Variants in ZNF227 observed in about 807,000 individuals in gnomAD.
The protein encoded by ZNF227 is zinc finger protein 227.
ZNF227 carries 12 observed loss-of-function variants against 13.2 expected under a neutral mutation model. The ratio of observed to expected loss-of-function variants is 0.91; its 90% confidence interval spans 0.58 to 1.47. The LOEUF (loss-of-function observed/expected upper bound fraction) is 1.47. Among genes scored for constraint, ZNF227 ranks in the 40% most tolerant of loss-of-function variants. The probability of loss-of-function intolerance (pLI) is 0.00; values close to 1 mark genes in which losing one functional copy is unlikely to be tolerated. For missense variants in ZNF227, 885 were observed against 967.5 expected, an observed-to-expected ratio of 0.91 and a Z score of 1.13; for synonymous variants, 338 against 326.0, an observed-to-expected ratio of 1.04 and a Z score of -0.40.
At position 44,235,818 on chromosome 19, in the gene ZNF227, C is replaced by T. The variant is rs143271498; in HGVS notation, c.1388C>T (p.Pro463Leu). The T allele has an allele frequency of 1.6e-5, 26 of 1,613,844 alleles. No homozygotes were observed. Among genetic ancestry groups the T allele is most frequent in the Non-Finnish European group, 2.1e-5 (25 of 1,180,000 alleles). ...CGGAGAGTCCACACAGGAGAGAAGC[C>T]ATACAAGTGTGAGGCGTGTGGGAAA... is the stretch of plus-strand genomic sequence containing the variant. ...CHRRVHTGEK[P>L]YKCEACGKGF... Residue 463 changes from proline (P) to leucine (L), a missense_variant, in exon 6 of 6, where the codon CCA (proline) becomes CTA (leucine). Pro to Leu is a moderately conservative substitution (Grantham distance 98). Coordinates refer to ENST00000313040, the MANE Select transcript of ZNF227 (RefSeq NM_182490.3).
rs367645929 is a variant in ZNF227, at chr19:44,236,781, G to A, written c.2351G>A (p.Arg784His). Residue 784 changes from arginine (R) to histidine (H), a missense_variant, in exon 6 of 6, where the codon CGT (arginine) becomes CAT (histidine). Arg to His is a conservative substitution (Grantham distance 29). Transcript: ENST00000313040. ...CDICDKDFRH[R>H]SRLTYHQKVH... ...ATATGTGATAAGGACTTCCGTCACCGTTCACGTCTTACATATCATCAGAAA... is the reference window on the plus strand; with the variant it reads ...ATATGTGATAAGGACTTCCGTCACCATTCACGTCTTACATATCATCAGAAA... The A allele has an allele frequency of 4.2e-5, 68 of 1,606,732 alleles. No individual in the cohort carries two copies. The highest frequency in any genetic ancestry group is 8.9e-5 in the East Asian group (4 of 44,808).
chr19:44,223,176 T>C (rs937058740), intron 3 of ZNF227, among the ~76,000 whole-genome samples: 1 of 152,242 alleles, frequency 6.6e-6, no homozygotes, highest in Non-Finnish European at 1.5e-5. Context: ...CAGTATTTTA[T>C]TGAGGATTTT....
chr19:44,235,554 C>G lies in ZNF227; in HGVS notation c.1124C>G (p.Thr375Ser), dbSNP rs769574008. The change falls in exon 6 of 6, where the codon ACT (threonine) becomes AGT (serine). Residue 375 changes from threonine (T) to serine (S), a missense_variant. Transcript: ENST00000313040. ...SNFQCHQRVH[T>S]EEKPYKCEEC... Reference sequence around the variant, plus strand: ...TTTCAGTGCCATCAGAGAGTCCACACTGAAGAAAAACCATACAAATGCGAA... The same window carrying G: ...TTTCAGTGCCATCAGAGAGTCCACAGTGAAGAAAAACCATACAAATGCGAA... 6.2e-7 allele frequency: 1 copy of G among 1,614,182 alleles called. No homozygotes were observed. Among genetic ancestry groups the G allele is most frequent in the Non-Finnish European group, 8.5e-7 (1 of 1,180,048 alleles).
intron 3 of ZNF227, 105 bp from the exon 4 acceptor site, chr19:44,228,341 G>T: frequency 1.5e-6 from 2 of 1,340,208 alleles, no homozygotes; most frequent in Non-Finnish European, 2.0e-6. Flanking sequence ...AGATCTCTTG[G>T]AATCTATAAC....
Position 44,236,463 on chromosome 19 carries a change from A to G in ZNF227, c.2033A>G (p.His678Arg). The change falls in exon 6 of 6, where the codon CAT becomes CGT. Residue 678 changes from histidine to arginine, a missense_variant. His to Arg is a conservative substitution (Grantham distance 29, BLOSUM62 0). Coordinates refer to ENST00000313040, the MANE Select transcript of ZNF227 (RefSeq NM_182490.3). ...AGATACAGTTCGCAGTTTATATACC[A>G]TCAGAGAGGCCACACTGGAGAAAAA... is the stretch of plus-strand genomic sequence containing the variant. ...GFRYSSQFIY[H>R]QRGHTGEKPY... The G allele has an allele frequency of 6.2e-7, 1 of 1,613,984 alleles. No homozygotes were observed. Among genetic ancestry groups the G allele is most frequent in the South Asian group, 1.1e-5 (1 of 91,080 alleles).
Position 44,235,651 on chromosome 19 carries a change from C to T in ZNF227, c.1221C>T (p.Pro407=). The T allele has an allele frequency of 1.2e-6, 2 of 1,613,624 alleles. No homozygotes were observed. The highest frequency in any genetic ancestry group is 1.3e-5 in the African/African-American group (1 of 74,836). The change falls in exon 6 of 6, where the codon CCC becomes CCT. Residue 407 remains proline, a synonymous_variant. Coordinates refer to ENST00000313040, the MANE Select transcript of ZNF227 (RefSeq NM_182490.3). ...AGAGGGTCCACAGGGGTGAGAAGCC[C>T]TATAAATGTGAGGAATGTGGTAAGG... ...VHQRVHRGEK[P]YKCEECGKGF... is the part of the protein sequence containing the mutation.
upstream of ZNF227, chr19:44,207,902 TTCTC>T (rs1285817726): frequency 2.0e-5 from 3 of 152,226 alleles, no homozygotes; most frequent in Admixed American, 6.5e-5. Flanking sequence ...ATCTTAATCT[TTCTC>T]TATCCCATTC....
At chr19:44,208,331 CTT>C (rs1021225537), upstream of ZNF227, among the ~76,000 whole-genome samples, 6 of 152,194 alleles carry the variant, frequency 3.9e-5, no homozygotes, top group Non-Finnish European at 7.3e-5. Context: ...AGTTAACTAA[CTT>C]TATCGAAAGT....
chr19:44,236,882 T>C lies in ZNF227; in HGVS notation c.*52T>C, dbSNP rs779207390. ...GTCTGAATGCACATCTTCAAGTTTT[T>C]GGCTAGTCCATGCTGGTGGTAAACC... On this transcript the variant is annotated 3_prime_UTR_variant, in exon 6 of 6. Transcript: ENST00000313040. The C allele has an allele frequency of 2.1e-5, 31 of 1,472,746 alleles. No individual in the cohort carries two copies. The South Asian group carries it at 3.9e-4, about 19-fold the overall frequency. 91.2% of individuals were successfully genotyped at this position (1,472,746 alleles called of 1,614,324 possible).
intron 3 of ZNF227, among the ~76,000 whole-genome samples, chr19:44,221,255 AT>A (rs1193169589): frequency 1.3e-5 from 2 of 152,150 alleles, no homozygotes; most frequent in African/African-American, 4.8e-5. Context: ...AGCATGATTT[AT>A]AGTCCTTTGG....
At position 44,229,817 on chromosome 19, in the gene ZNF227, G is replaced by A; in HGVS notation, c.271+1G>A. ...ATGATGGAAACAGAAACCCAAAGAAGTAGGTATTCTGGTGAGAACCCTGTG... is the reference window on the plus strand; with the variant it reads ...ATGATGGAAACAGAAACCCAAAGAAATAGGTATTCTGGTGAGAACCCTGTG... On this transcript the variant is annotated splice_donor_variant, in intron 5 of 5. Transcript: ENST00000313040. LOFTEE classifies it high-confidence loss of function. 6.4e-7 allele frequency: 1 copy of A among 1,560,778 alleles called. No individual in the cohort carries two copies. The highest frequency in any genetic ancestry group is 8.7e-7 in the Non-Finnish European group (1 of 1,145,898).
intron 3 of ZNF227, among the ~76,000 whole-genome samples, chr19:44,226,187 C>T (rs1973127173): frequency 1.3e-5 from 2 of 152,140 alleles, no homozygotes; most frequent in Non-Finnish European, 2.9e-5. Flanking sequence ...GTCAGTCTGC[C>T]CCTACTGGGG....
At chr19:44,208,487 C>T (rs1355697464), upstream of ZNF227, among the ~76,000 whole-genome samples, 3 of 152,176 alleles carry the variant, frequency 2.0e-5, no homozygotes, top group Admixed American at 6.5e-5. Context: ...AGAACTTTCA[C>T]AAATACTTCT....
At chr19:44,209,585 A>T (rs1476162852), upstream of ZNF227, among the ~76,000 whole-genome samples, 2 of 151,246 alleles carry the variant, frequency 1.3e-5, no homozygotes, top group Non-Finnish European at 3.0e-5. Flanking sequence ...TTATTTATTC[A>T]TTTTTATTTA....
intron 2 of ZNF227, chr19:44,217,493 A>G (rs1172768450): frequency 1.7e-6 from 1 of 592,130 alleles, no homozygotes; most frequent in African/African-American, 1.8e-5. Flanking sequence ...ATTTCTAGGA[A>G]TTAAACCCAG....
At position 44,235,256 on chromosome 19, in the gene ZNF227, A is replaced by G. The variant is rs759065601; in HGVS notation, c.826A>G (p.Lys276Glu). The G allele has an allele frequency of 1.9e-6, 3 of 1,614,144 alleles. No individual in the cohort carries two copies. Among genetic ancestry groups the G allele is most frequent in the South Asian group, 2.2e-5 (2 of 91,082 alleles). ...TCATCCGAATGTTCATACAGGAGAAAAATGCTTCAGTCAAAGCTCACATCT... is the reference window on the plus strand; with the variant it reads ...TCATCCGAATGTTCATACAGGAGAAGAATGCTTCAGTCAAAGCTCACATCT... ...PLHPNVHTGE[K>E]CFSQSSHLRT... Residue 276 changes from lysine to glutamate, a missense_variant, in exon 6 of 6, where the codon AAA becomes GAA. Lys to Glu is a moderately conservative substitution (Grantham distance 56, BLOSUM62 1). Coordinates refer to ENST00000313040, the MANE Select transcript of ZNF227 (RefSeq NM_182490.3).
At chr19:44,217,474 G>C (rs1472915819) in intron 2 of ZNF227, 1 of 556,774 alleles carries the variant, frequency 1.8e-6, no homozygotes, top group Non-Finnish European at 3.4e-6. Context: ...TACACAGCTG[G>C]TAAGTATCAT....
intron 3 of ZNF227, among the ~76,000 whole-genome samples, chr19:44,228,035 C>G (rs1466560546): frequency 6.6e-6 from 1 of 152,240 alleles, no homozygotes; most frequent in African/African-American, 2.4e-5. Flanking sequence ...TTGAGACCAG[C>G]CTGGCCAACA....
At chr19:44,215,379 C>CT (rs899201156) in intron 2 of ZNF227, among the ~76,000 whole-genome samples, 5 of 150,748 alleles carry the variant, frequency 3.3e-5, no homozygotes, top group African/African-American at 7.3e-5. Context: ...TACAGTATAT[C>CT]TTTTTTTTGT....
Sources: gnomAD v4.1 joint callset for allele counts (sites outside exome capture counted in the v4.1 genomes callset) on GRCh38, gnomAD v4.1.1 for gene constraint, MANE v1.5 for transcripts, NCBI Gene and HGNC (gene_info 2026-07-23, HGNC 2026-07-21) for gene names.